KIAA0040: variants seen among roughly 807,000 people sequenced by gnomAD.
KIAA0040 encodes the protein uncharacterized protein KIAA0040.
Under a neutral mutation model 7.2 loss-of-function variants are expected in KIAA0040, and 10 were observed. The observed-to-expected ratio is 1.38, with a 90% CI of 0.85 to 2.34. The LOEUF (loss-of-function observed/expected upper bound fraction) is 2.34. Among genes scored for constraint, KIAA0040 ranks in the 30% most tolerant of loss-of-function variants. The probability of loss-of-function intolerance (pLI) is 0.00; values close to 1 mark genes in which losing one functional copy is unlikely to be tolerated. For synonymous variants in KIAA0040, 49 were observed against 40.1 expected (o/e 1.22, Z -0.84); for missense variants, 89 against 108.2 (o/e 0.82, Z 0.79).
intron 1 of KIAA0040, among the ~76,000 whole-genome samples, chr1:175,189,824 T>C (rs186910821): frequency 1.4e-3 from 195 of 138,908 alleles, no homozygotes; most frequent in African/African-American, 4.7e-3. Context: ...TTATCCCCAT[T>C]TTAAATATAA....
chr1:175,173,442 A>G (rs969314450), intron 2 of KIAA0040, among the ~76,000 whole-genome samples: 2 of 152,232 alleles, frequency 1.3e-5, no homozygotes, highest in African/African-American at 4.8e-5. Flanking sequence ...CTCAAGAGAT[A>G]GGCTTTTTTT....
intron 2 of KIAA0040, among the ~76,000 whole-genome samples, chr1:175,168,455 T>TA (rs1272359824): frequency 2.0e-5 from 3 of 152,082 alleles, no homozygotes; most frequent in African/African-American, 7.3e-5. Flanking sequence ...GATAGTATTT[T>TA]CCCCCAGAAT....
chr1:175,161,889 A>C (rs546632367), intron 3 of KIAA0040, among the ~76,000 whole-genome samples: 5 of 151,952 alleles, frequency 3.3e-5, no homozygotes, highest in Admixed American at 6.6e-5. Context: ...ACCCTTCTCT[A>C]TGTTTTCTAT....
chr1:175,182,814 T>C (rs3766688), intron 1 of KIAA0040, among the ~76,000 whole-genome samples: 73,719 of 152,078 alleles, frequency 0.48, 18,477 homozygotes, highest in Non-Finnish European at 0.56. Flanking sequence ...CTCTGTGTGA[T>C]GTGGGTGAAA....
chr1:175,161,225 G>C, intron 3 of KIAA0040, 79 bp from the exon 4 acceptor site: 1 of 469,986 alleles, frequency 2.1e-6, no homozygotes, highest in Non-Finnish European at 3.8e-6. Context: ...TAGATTTTAG[G>C]CTTAGGAAAG....
intron 2 of KIAA0040, among the ~76,000 whole-genome samples, chr1:175,170,283 G>T (rs1676934231): frequency 6.6e-6 from 1 of 152,176 alleles, no homozygotes; most frequent in Admixed American, 6.5e-5. Context: ...GGCCCTGTGG[G>T]TATGGAAAGG....
chr1:175,183,041 G>A (rs1275492507), intron 1 of KIAA0040, among the ~76,000 whole-genome samples: 1 of 152,194 alleles, frequency 6.6e-6, no homozygotes, highest in Admixed American at 6.5e-5. Flanking sequence ...TAAAACTGAC[G>A]CAAAGCGCCC....
intron 2 of KIAA0040, among the ~76,000 whole-genome samples, chr1:175,172,239 G>T (rs923888868): frequency 6.6e-6 from 1 of 152,126 alleles, no homozygotes; most frequent in African/African-American, 2.4e-5. Flanking sequence ...GAAAATTCCA[G>T]CTGTACTAAA....
At chr1:175,170,257 G>C (rs887299399) in intron 2 of KIAA0040, among the ~76,000 whole-genome samples, 2 of 152,156 alleles carry the variant, frequency 1.3e-5, no homozygotes, top group Non-Finnish European at 2.9e-5. Context: ...AGCAGGGCTT[G>C]AGCTAGGGGC....
At chr1:175,180,003 T>A (rs1677373395) in intron 1 of KIAA0040, among the ~76,000 whole-genome samples, 1 of 152,204 alleles carries the variant, frequency 6.6e-6, no homozygotes, top group African/African-American at 2.4e-5. Context: ...TCAAACTCTG[T>A]GAGGTATGGG....
chr1:175,179,075 G>A (rs1035836809), intron 1 of KIAA0040, among the ~76,000 whole-genome samples: 2 of 152,042 alleles, frequency 1.3e-5, no homozygotes, highest in Non-Finnish European at 2.9e-5. Flanking sequence ...GCAAGTTGGG[G>A]TGAGCTACAT....
chr1:175,160,223 G>A lies in KIAA0040; in HGVS notation c.*491C>T, dbSNP rs1329506538. ...GCTGGTTAGGAAATTGTATATATGTGTCTGAATCTGGCAAGGCTTTCCCAT... is the reference window on the plus strand; with the variant it reads ...GCTGGTTAGGAAATTGTATATATGTATCTGAATCTGGCAAGGCTTTCCCAT... On this transcript the variant is annotated 3_prime_UTR_variant, in exon 4 of 4. Coordinates refer to ENST00000423313, the MANE Select transcript of KIAA0040 (RefSeq NM_014656.3). 6.3e-6 allele frequency: 1 copy of A among 158,996 alleles called. No homozygotes were observed. The highest frequency in any genetic ancestry group is 1.9e-4 in the South Asian group (1 of 5,130). The allele number at this position is 158,996 out of a possible 1,614,324, so 9.8% of individuals were successfully genotyped here.
Position 175,179,203 on chromosome 1 carries a change from A to G in KIAA0040, c.-383-1519T>C, listed in dbSNP as rs553855965. ...GAACTGAGGTGGCACAGGAAAGATT[A>G]GTGAGATCACAGGGGGCTTTGAAAG... On this transcript the variant is annotated intron_variant, in intron 1 of 3. Coordinates refer to ENST00000423313, the MANE Select transcript of KIAA0040 (RefSeq NM_014656.3). Among the ~76,000 whole-genome samples the G allele has an allele frequency of 3.3e-5, 5 of 152,294 alleles. No homozygotes were observed. In the South Asian group the frequency reaches 1.0e-3, roughly 32 times the overall value.
At chr1:175,183,791 A>G (rs1164636679) in intron 1 of KIAA0040, among the ~76,000 whole-genome samples, 2 of 152,158 alleles carry the variant, frequency 1.3e-5, no homozygotes, top group African/African-American at 4.8e-5. Flanking sequence ...ACAGCTCTCA[A>G]TGAGAGGGGC....
In KIAA0040 at chr1:175,160,970, A is replaced by G. The variant is rs559383750; in HGVS notation, c.44T>C (p.Ile15Thr). Residue 15 changes from isoleucine to threonine, a missense_variant, in exon 4 of 4, where the codon ATC becomes ACC. Ile to Thr is a moderately conservative substitution (Grantham distance 89, BLOSUM62 -1). Coordinates refer to ENST00000423313, the MANE Select transcript of KIAA0040 (RefSeq NM_014656.3). The stretch of plus-strand genomic sequence containing the variant: ...GATGCCTTCTTGGTGTTTGGTCAAG[A>G]TGGTGTCCCAGATAGAGCTGAAGAA... ...SAFFSSIWDT[I>T]LTKHQEGIYN... 3 of 1,551,438 alleles carry G rather than the reference A, an allele frequency of 1.9e-6. No homozygotes were observed. The highest frequency in any genetic ancestry group is 4.9e-5 in the East Asian group (2 of 40,912).
chr1:175,186,441 T>C (rs1264713769), intron 1 of KIAA0040, among the ~76,000 whole-genome samples: 1 of 152,226 alleles, frequency 6.6e-6, no homozygotes, highest in Admixed American at 6.5e-5. Context: ...AATAATATTT[T>C]ATAAACCACC....
intron 1 of KIAA0040, among the ~76,000 whole-genome samples, chr1:175,186,567 C>T (rs1255458236): frequency 6.6e-6 from 1 of 152,204 alleles, no homozygotes; most frequent in Non-Finnish European, 1.5e-5. Flanking sequence ...ACTGCAGTGC[C>T]TCTGTCTGGA....
intron 2 of KIAA0040, among the ~76,000 whole-genome samples, chr1:175,171,389 G>C (rs576338128): frequency 4.6e-5 from 7 of 152,276 alleles, no homozygotes; most frequent in Middle Eastern, 6.8e-3. Context: ...GATGCCCAGA[G>C]TCTGGCATGT....
chr1:175,176,669 C>CTTTTTTTG (rs1677204475), intron 2 of KIAA0040, among the ~76,000 whole-genome samples: 1 of 27,440 alleles, frequency 3.6e-5, no homozygotes, highest in Non-Finnish European at 8.2e-5. Context: ...AAGTAGCATG[C>CTTTTTTTG]TTTTTTTTTT....
Sources: gnomAD v4.1 joint callset for allele counts (sites outside exome capture counted in the v4.1 genomes callset) on GRCh38, gnomAD v4.1.1 for gene constraint, MANE v1.5 for transcripts, NCBI Gene and HGNC (gene_info 2026-07-23, HGNC 2026-07-21) for gene names.